Variants in NLRP4 observed in about 807,000 individuals in gnomAD.
NLRP4 encodes the protein NLR family pyrin domain containing 4.
NLRP4 carries 44 observed loss-of-function variants against 84.7 expected under a neutral mutation model. That is an observed-to-expected ratio of 0.52 (90% CI 0.41 to 0.67). The LOEUF is 0.67. Among genes scored for constraint, NLRP4 ranks in the 30% least tolerant of loss-of-function variants. The probability of loss-of-function intolerance (pLI) is 0.00; values close to 1 mark genes in which losing one functional copy is unlikely to be tolerated. For synonymous variants in NLRP4, 544 were observed against 476.4 expected (o/e 1.14, Z -1.85); for missense variants, 1,260 against 1,219.4 (o/e 1.03, Z -0.50).
chr19:55,875,089 TTGA>T (rs1351078739), intron 7 of NLRP4, among the ~76,000 whole-genome samples: 1 of 152,184 alleles, frequency 6.6e-6, no homozygotes, highest in East Asian at 1.9e-4. Context: ...GGGAACTTCC[TTGA>T]TGATCTAAAG....
rs1454092731 is a variant in NLRP4 at position 55,852,428 on chromosome 19, C to G, written c.280+68C>G. ...CTATGTCCTAATTTTGGTGAGTGGT[C>G]TCTGCCTGTCTACAACAGGACCTGA... is the stretch of plus-strand genomic sequence containing the variant. On this transcript the variant is annotated intron_variant, in intron 2 of 9. Transcript: ENST00000301295. The G allele has an allele frequency of 8.3e-6, 8 of 959,184 alleles. No homozygotes were observed. In the Middle Eastern group the frequency reaches 8.8e-4, roughly 106 times the overall value. 59.4% of individuals were successfully genotyped at this position (959,184 alleles called of 1,614,324 possible). A position where few individuals can be genotyped will look rare whatever the true frequency, so the allele number is the denominator to read the frequency against.
intron 3 of NLRP4, among the ~76,000 whole-genome samples, chr19:55,860,237 G>A (rs180988763): frequency 8.8e-4 from 134 of 152,062 alleles, no homozygotes; most frequent in Non-Finnish European, 1.5e-3. Flanking sequence ...TGCCCACCTC[G>A]GCCTCTCAAA....
intron 2 of NLRP4, among the ~76,000 whole-genome samples, chr19:55,854,471 G>A (rs12232840): frequency 6.6e-6 from 1 of 151,958 alleles, no homozygotes; most frequent in African/African-American, 2.4e-5. Flanking sequence ...CAGTCTCCTA[G>A]TATGTCCGGT....
At chr19:55,874,404 G>A (rs531143085) in intron 7 of NLRP4, among the ~76,000 whole-genome samples, 27 of 152,186 alleles carry the variant, frequency 1.8e-4, no homozygotes, top group Non-Finnish European at 3.4e-4. Flanking sequence ...GTGGTCACAC[G>A]TGGCTGGCTA....
intron 5 of NLRP4, among the ~76,000 whole-genome samples, chr19:55,865,799 G>A (rs1485788734): frequency 2.0e-5 from 3 of 151,994 alleles, no homozygotes; most frequent in African/African-American, 4.8e-5. Context: ...AGTTGTAAGT[G>A]TTCTTTATGT....
chr19:55,878,675 C>A (rs929095659), intron 8 of NLRP4, 119 bp from the exon 9 acceptor site: 3 of 802,542 alleles, frequency 3.7e-6, no homozygotes, highest in African/African-American at 1.7e-5. Context: ...AAACACTGGA[C>A]TGTGAGAGAT....
Position 55,858,663 on chromosome 19 carries a change from G to C in NLRP4, c.1270G>C (p.Val424Leu). The change falls in exon 3 of 10, where the codon GTT (valine) becomes CTT (leucine). Residue 424 changes from valine (V) to leucine (L), a missense_variant. Physicochemically the swap from Val to Leu is conservative, Grantham distance 32. Around this residue, in one of 3 missense-constraint regions of NLRP4, gnomAD observed 712 missense variants for 669.2 expected, o/e 1.06. Transcript: ENST00000301295. This position sits in a 1 kb window ranked among gnomAD's most constrained non-coding sequence, Gnocchi z 4.2. ...FCEDDLRRNGVVDADIPALLG... is the reference protein window; with the variant it reads ...FCEDDLRRNGLVDADIPALLG... ...TGAAGACGACCTCCGGAGAAATGGG[G>C]TTGTTGACGCTGACATCCCTGCGCT... 1 of 1,614,198 alleles carries C rather than the reference G, an allele frequency of 6.2e-7. No homozygotes were observed. Among genetic ancestry groups the C allele is most frequent in the Non-Finnish European group, 8.5e-7 (1 of 1,180,032 alleles).
At chr19:55,838,934 G>A (rs1160789211) in intron 1 of NLRP4, among the ~76,000 whole-genome samples, 1 of 151,004 alleles carries the variant, frequency 6.6e-6, no homozygotes, top group East Asian at 1.9e-4. Flanking sequence ...GACCGAACAT[G>A]GAAATTCTTA....
At chr19:55,851,227 G>A (rs573656789) in intron 1 of NLRP4, among the ~76,000 whole-genome samples, 1 of 13,988 alleles carries the variant, frequency 7.1e-5, no homozygotes, top group Non-Finnish European at 1.1e-4. Flanking sequence ...GCGGTGTAAT[G>A]TCCGAGGCTG....
chr19:55,867,731 C>T lies in NLRP4; in HGVS notation c.2209C>T (p.Pro737Ser), dbSNP rs780715802. ...ELALVNCHLSPIDCEVLAGLL... is the reference protein window; with the variant it reads ...ELALVNCHLSSIDCEVLAGLL... ...CAGGCTGGTAAATTGTCACCTCTCA[C>T]CCATTGATTGTGAAGTCCTTGCTGG... Residue 737 changes from proline (P) to serine (S), a missense_variant, in exon 6 of 10, where the codon CCC becomes TCC. Coordinates refer to ENST00000301295, the MANE Select transcript of NLRP4 (RefSeq NM_134444.5). The T allele has an allele frequency of 6.2e-6, 10 of 1,613,972 alleles. No individual in the cohort carries two copies. The highest frequency in any genetic ancestry group is 1.1e-5 in the South Asian group (1 of 91,076).
intron 7 of NLRP4, among the ~76,000 whole-genome samples, chr19:55,874,398 TCA>T (rs148061939): frequency 0.01 from 1,550 of 152,268 alleles, 34 homozygotes; most frequent in African/African-American, 0.035. Flanking sequence ...TGCTCAGTGG[TCA>T]CACGTGGCTG....
At chr19:55,860,291 TA>T (rs1265670284) in intron 3 of NLRP4, among the ~76,000 whole-genome samples, 1 of 152,206 alleles carries the variant, frequency 6.6e-6, no homozygotes, top group African/African-American at 2.4e-5. Flanking sequence ...GGCCAAATCA[TA>T]TACATTTTAA....
At chr19:55,842,622 T>C (rs1983653989) in intron 1 of NLRP4, among the ~76,000 whole-genome samples, 1 of 152,168 alleles carries the variant, frequency 6.6e-6, no homozygotes. Flanking sequence ...TGTCTTCTAA[T>C]TGACTGTGGC....
chr19:55,845,361 A>T (rs1983755646), intron 1 of NLRP4, among the ~76,000 whole-genome samples: 1 of 150,024 alleles, frequency 6.7e-6, no homozygotes, highest in South Asian at 2.1e-4. Flanking sequence ...TGAACTCATC[A>T]TTTTTTATGG....
rs750552200 is a variant in NLRP4 at position 55,858,910 on chromosome 19, T to A, written c.1517T>A (p.Leu506His). The change falls in exon 3 of 10, where the codon CTT becomes CAT. Residue 506 changes from leucine to histidine, a missense_variant. Leu to His is a moderately conservative substitution (Grantham distance 99). Around this residue, in one of 3 missense-constraint regions of NLRP4, gnomAD observed 712 missense variants for 669.2 expected, o/e 1.06. Transcript: ENST00000301295. This position sits in a 1 kb window ranked among gnomAD's most constrained non-coding sequence, Gnocchi z 4.2. ...TTTTTGGGGTGTTTTCTAACTGGCC[T>A]TTTAAATAAAAAGGAACAAGAAAAA... ...WIFLGCFLTG[L>H]LNKKEQEKLD... 8 of 1,614,008 alleles carry A rather than the reference T, an allele frequency of 5.0e-6. No individual in the cohort carries two copies. In the Middle Eastern group the frequency reaches 8.2e-4, roughly 166 times the overall value.
chr19:55,872,178 A>C (rs1217949684), intron 7 of NLRP4, among the ~76,000 whole-genome samples: 1 of 152,212 alleles, frequency 6.6e-6, no homozygotes, highest in Non-Finnish European at 1.5e-5. Flanking sequence ...TAGCAGGCTA[A>C]GTAGATAGCA....
intron 1 of NLRP4, among the ~76,000 whole-genome samples, chr19:55,841,728 GGTGGCAGGCACCTGTA>G (rs1244105164): frequency 6.6e-6 from 1 of 152,044 alleles, no homozygotes; most frequent in Non-Finnish European, 1.5e-5. Flanking sequence ...AGCCGGGCAT[GGTGGCAGGCACCTGTA>G]GTACCAGATA....
intron 5 of NLRP4, among the ~76,000 whole-genome samples, chr19:55,864,762 T>C (rs1984889585): frequency 1.3e-5 from 2 of 152,224 alleles, no homozygotes; most frequent in East Asian, 3.9e-4. Flanking sequence ...ATTTACTTAT[T>C]TTTTATTATA....
At chr19:55,840,791 A>T (rs1983583977) in intron 1 of NLRP4, among the ~76,000 whole-genome samples, 1 of 152,160 alleles carries the variant, frequency 6.6e-6, no homozygotes, top group African/African-American at 2.4e-5. Context: ...GTTATGCAGC[A>T]TCTAGATTTC....
Sources: gnomAD v4.1 joint callset for allele counts (sites outside exome capture counted in the v4.1 genomes callset) on GRCh38, gnomAD v4.1.1 for gene constraint, gnomAD v4.1.1 regional missense constraint, Gnocchi (gnomAD v3.1) non-coding constraint, MANE v1.5 for transcripts, NCBI Gene and HGNC (gene_info 2026-07-23, HGNC 2026-07-21) for gene names.